DLG2: variants seen among roughly 807,000 people sequenced by gnomAD.
DLG2 encodes discs large MAGUK scaffold protein 2.
A neutral mutation model predicts 132.5 loss-of-function variants in DLG2; 45 were observed. The observed-to-expected ratio is 0.34, with a 90% CI of 0.27 to 0.44. The LOEUF (loss-of-function observed/expected upper bound fraction) is 0.44. Ranked by LOEUF, DLG2 falls within the 20% of genes least tolerant of loss-of-function variation. The pLI, the probability that DLG2 is intolerant of heterozygous loss-of-function variation, is 1.00. For missense variants in DLG2, 1,045 were observed against 1,196.9 expected, an observed-to-expected ratio of 0.87 and a Z score of 1.87; for synonymous variants, 424 against 419.6, an observed-to-expected ratio of 1.01 and a Z score of -0.13.
At position 84,708,150 on chromosome 11, in the gene DLG2, C is replaced by A. The variant is rs557364337; in HGVS notation, c.358-173419G>T. Among the ~76,000 whole-genome samples, 4 of 151,872 alleles carry A rather than the reference C, an allele frequency of 2.6e-5. No homozygotes were observed. The South Asian group carries it at 8.3e-4, about 32-fold the overall frequency. The stretch of plus-strand genomic sequence containing the variant: ...ATATTATGGAGAAATGGTCTTCAGC[C>A]TGATGTTTGAACCTTACTAGTAAAG... On this transcript the variant is annotated intron_variant, in intron 6 of 27. Transcript: ENST00000376104.
intron 3 of DLG2, among the ~76,000 whole-genome samples, chr11:85,416,945 G>A (rs1456643552): frequency 6.6e-6 from 1 of 152,048 alleles, no homozygotes; most frequent in African/African-American, 2.4e-5. Flanking sequence ...TCTTTCTCTT[G>A]CCTGATTGCC....
intron 8 of DLG2, among the ~76,000 whole-genome samples, chr11:84,185,982 T>C (rs2096268943): frequency 1.3e-5 from 2 of 152,188 alleles, no homozygotes; most frequent in South Asian, 4.1e-4. Flanking sequence ...ATTTTAGATA[T>C]GTTATTCCAA....
intron 3 of DLG2, among the ~76,000 whole-genome samples, chr11:85,296,112 A>G (rs1394202530): frequency 6.6e-6 from 1 of 152,196 alleles, no homozygotes; most frequent in Admixed American, 6.5e-5. Flanking sequence ...GAGGATAAGA[A>G]CTAACTTTAA....
At chr11:84,600,182 A>AAG (rs1343189161) in intron 6 of DLG2, among the ~76,000 whole-genome samples, 1 of 133,754 alleles carries the variant, frequency 7.5e-6, no homozygotes, top group East Asian at 2.0e-4. Flanking sequence ...GAAAGAAAGA[A>AAG]AGAAAGAAAG....
intron 16 of DLG2, among the ~76,000 whole-genome samples, chr11:83,847,104 G>C (rs1173985309): frequency 3.9e-5 from 6 of 152,062 alleles, no homozygotes; most frequent in African/African-American, 1.4e-4. Flanking sequence ...ATTATAAAAG[G>C]AATGTTTTTT....
chr11:83,483,433 C>T, intron 22 of DLG2: 1 of 585,330 alleles, frequency 1.7e-6, no homozygotes, highest in South Asian at 2.9e-5. Flanking sequence ...CCCATTCTCT[C>T]TTCTTTTAAA....
At position 84,016,565 on chromosome 11, in the gene DLG2, T is replaced by A. The variant is rs1303483637; in HGVS notation, c.920-35923A>T. 2.0e-5 allele frequency among the ~76,000 whole-genome samples: 3 copies of A among 152,170 alleles called. No homozygotes were observed. The South Asian group carries it at 6.2e-4, about 32-fold the overall frequency. On this transcript the variant is annotated intron_variant, in intron 11 of 27. Coordinates refer to ENST00000376104, the MANE Select transcript of DLG2 (RefSeq NM_001142699.3). ...AGGGGTCCAGTTTCAATTTTCTGCCTATGGCTAGCCAGTTCTCCCAGCATC... is the reference window on the plus strand; with the variant it reads ...AGGGGTCCAGTTTCAATTTTCTGCCAATGGCTAGCCAGTTCTCCCAGCATC...
intron 8 of DLG2, among the ~76,000 whole-genome samples, chr11:84,202,238 C>A (rs1054632944): frequency 1.3e-5 from 2 of 152,036 alleles, no homozygotes; most frequent in East Asian, 3.9e-4. Context: ...CTGCAGTAAC[C>A]AAAAGAGGAT....
intron 3 of DLG2, among the ~76,000 whole-genome samples, chr11:85,348,672 T>C (rs1026188959): frequency 1.3e-5 from 2 of 152,106 alleles, no homozygotes; most frequent in Non-Finnish European, 2.9e-5. Context: ...TCCTGTACTT[T>C]CCTTTCCTTG....
chr11:84,421,524 C>A (rs1362949730), intron 7 of DLG2, among the ~76,000 whole-genome samples: 1 of 152,168 alleles, frequency 6.6e-6, no homozygotes, highest in Non-Finnish European at 1.5e-5. Flanking sequence ...CCTAAAGCGT[C>A]TCCTTGTCTG....
At chr11:84,335,160 C>CAAAAAAA (rs58944265) in intron 7 of DLG2, among the ~76,000 whole-genome samples, 1 of 62,666 alleles carries the variant, frequency 1.6e-5, no homozygotes, top group East Asian at 4.0e-4. Flanking sequence ...ATAAAGAAAG[C>CAAAAAAA]AAAAAAAAAA....
At chr11:83,789,244 A>G (rs182956546) in intron 17 of DLG2, among the ~76,000 whole-genome samples, 5 of 152,296 alleles carry the variant, frequency 3.3e-5, no homozygotes, top group Admixed American at 3.3e-4. Flanking sequence ...TGTATACGTA[A>G]ATTCTGTGTT....
At chr11:84,958,236 C>T (rs76918410) in intron 6 of DLG2, among the ~76,000 whole-genome samples, 1 of 152,044 alleles carries the variant, frequency 6.6e-6, no homozygotes, top group Non-Finnish European at 1.5e-5. Flanking sequence ...CCCACCCTGG[C>T]AAATTCCAGT....
At chr11:84,959,716 T>G (rs961908570) in intron 6 of DLG2, among the ~76,000 whole-genome samples, 2 of 152,224 alleles carry the variant, frequency 1.3e-5, no homozygotes, top group Non-Finnish European at 2.9e-5. Flanking sequence ...ATCACTTATT[T>G]AATTGCGACT....
At chr11:84,022,517 C>T (rs1386740976) in intron 11 of DLG2, among the ~76,000 whole-genome samples, 2 of 152,132 alleles carry the variant, frequency 1.3e-5, no homozygotes, top group Non-Finnish European at 2.9e-5. Context: ...CTGGGCCAGC[C>T]AAACAAAAGG....
At chr11:85,500,379 T>C (rs1018606562) in intron 3 of DLG2, among the ~76,000 whole-genome samples, 1 of 88,240 alleles carries the variant, frequency 1.1e-5, no homozygotes, top group African/African-American at 5.3e-5. Context: ...TATCACACTC[T>C]GGGGACTGTG....
chr11:83,504,463 T>G (rs1237639481), intron 21 of DLG2, among the ~76,000 whole-genome samples: 3 of 152,200 alleles, frequency 2.0e-5, no homozygotes, highest in Non-Finnish European at 4.4e-5. Flanking sequence ...ACTGATTTCA[T>G]CTTGACAGTC....
intron 6 of DLG2, among the ~76,000 whole-genome samples, chr11:84,763,753 C>CT (rs1414597105): frequency 3.3e-5 from 5 of 152,096 alleles, no homozygotes; most frequent in Non-Finnish European, 1.5e-5. Context: ...TTCAGAATAA[C>CT]TTTTTTTAAA....
chr11:84,122,260 C>T (rs560630460), intron 9 of DLG2, among the ~76,000 whole-genome samples: 15 of 152,204 alleles, frequency 9.9e-5, no homozygotes, highest in Non-Finnish European at 1.5e-4. Flanking sequence ...GCAGAGGTTA[C>T]AATGAGCCAA....
Sources: allele counts gnomAD v4.1 joint callset (sites outside exome capture counted in the v4.1 genomes callset), GRCh38; gene constraint gnomAD v4.1.1; transcripts MANE v1.5; gene names NCBI Gene and HGNC (gene_info 2026-07-23, HGNC 2026-07-21).